Variants in DHRS12 observed in about 807,000 individuals in gnomAD.
DHRS12 encodes dehydrogenase/reductase 12, also known as dehydrogenase/reductase SDR family member 12.
In DHRS12, 29 loss-of-function variants were observed where a neutral mutation model predicts 32.1. The ratio of observed to expected loss-of-function variants is 0.90; its 90% confidence interval spans 0.67 to 1.23. The LOEUF (loss-of-function observed/expected upper bound fraction) is 1.23, where lower values mean the gene tolerates loss of function less well. Ranked by LOEUF, DHRS12 falls within the 50% of genes most tolerant of loss-of-function variation. The pLI, the probability that DHRS12 is intolerant of heterozygous loss-of-function variation, is 0.00. For synonymous variants in DHRS12, 150 were observed against 135.9 expected, an observed-to-expected ratio of 1.10 and a Z score of -0.72; for missense variants, 330 against 337.2, an observed-to-expected ratio of 0.98 and a Z score of 0.17.
At chr13:51,798,117 A>G (rs1480731106) in intron 2 of DHRS12, among the ~76,000 whole-genome samples, 1 of 152,174 alleles carries the variant, frequency 6.6e-6, no homozygotes, top group African/African-American at 2.4e-5. Flanking sequence ...TGCGTCTGGA[A>G]TAACATCCTG....
At chr13:51,762,084 A>T in the DHRS12 span, 1 of 152,236 alleles carries the variant, frequency 6.6e-6, no homozygotes, top group Non-Finnish European at 1.5e-5. Context: ...ACTAAGTTGT[A>T]TGTAATATAG....
intron 4 of DHRS12, among the ~76,000 whole-genome samples, chr13:51,784,466 A>G (rs1013932504): frequency 1.3e-5 from 2 of 152,190 alleles, no homozygotes; most frequent in African/African-American, 4.8e-5. Context: ...GGGTCCATAT[A>G]GGAAAATAAT....
chr13:51,786,110 G>A (rs1400420472), intron 4 of DHRS12, among the ~76,000 whole-genome samples: 1 of 152,210 alleles, frequency 6.6e-6, no homozygotes, highest in East Asian at 1.9e-4. Context: ...AGAATGTCAA[G>A]CGACAACACT....
At chr13:51,772,472 A>C (rs964368675) in intron 6 of DHRS12, among the ~76,000 whole-genome samples, 1 of 152,086 alleles carries the variant, frequency 6.6e-6, no homozygotes, top group Non-Finnish European at 1.5e-5. Context: ...AAAATGCAAA[A>C]ATTAGCTGGG....
rs555596582 is a variant in DHRS12, at chr13:51,782,067, G to A, written c.302-4946C>T. 6.6e-5 allele frequency among the ~76,000 whole-genome samples: 10 copies of A among 152,180 alleles called. No individual in the cohort carries two copies. The highest frequency in any genetic ancestry group is 2.4e-4 in the African/African-American group (10 of 41,538). ...ACTGCTTGGATATGAGAAGTGAGGG[G>A]GTGTCAAGGACAAGCGGTGACGGAG... On this transcript the variant is annotated intron_variant, in intron 4 of 8. Transcript: ENST00000444610. This position sits in a 1 kb window ranked among gnomAD's most constrained non-coding sequence, Gnocchi z 4.2.
chr13:51,768,808 G>A, intron 8 of DHRS12: 1 of 1,250,502 alleles, frequency 8.0e-7, no homozygotes, highest in Non-Finnish European at 1.0e-6. Context: ...CTGCAGAGAA[G>A]CAGAGTCCGT....
chr13:51,795,878 C>T (rs1007804041), intron 2 of DHRS12, among the ~76,000 whole-genome samples: 1 of 152,130 alleles, frequency 6.6e-6, no homozygotes, highest in Non-Finnish European at 1.5e-5. Context: ...ATTTGTCCCC[C>T]AACCCACCCC....
At chr13:51,801,455 T>C (rs918423782) in intron 1 of DHRS12, among the ~76,000 whole-genome samples, 2 of 152,214 alleles carry the variant, frequency 1.3e-5, no homozygotes, top group African/African-American at 4.8e-5. Context: ...CCCAAAATGC[T>C]GGGATTACAG....
At chr13:51,756,546 C>G in the DHRS12 span, 7 of 1,500,776 alleles carry the variant, frequency 4.7e-6, no homozygotes, top group Admixed American at 2.2e-5. Context: ...AACCATCACT[C>G]AGGTTGCTCT....
the DHRS12 span, chr13:51,760,348 G>A: frequency 6.6e-6 from 1 of 152,142 alleles, no homozygotes; most frequent in African/African-American, 2.4e-5. Flanking sequence ...GCCAGCTGCT[G>A]GAATTGCCTG....
intron 1 of DHRS12, among the ~76,000 whole-genome samples, chr13:51,800,547 C>A (rs1330852122): frequency 1.3e-5 from 2 of 152,180 alleles, no homozygotes; most frequent in Admixed American, 6.5e-5. Flanking sequence ...CCTACGGAGC[C>A]GAGAGATTTC....
In DHRS12 at chr13:51,789,998, T is replaced by G. The variant is rs188089140; in HGVS notation, c.301+13A>C. 1 of 1,587,668 alleles carries G rather than the reference T, an allele frequency of 6.3e-7. No homozygotes were observed. Among genetic ancestry groups the G allele is most frequent in the East Asian group, 2.3e-5 (1 of 44,078 alleles). The stretch of plus-strand genomic sequence containing the variant: ...TTTTGCTAAAAACAAATAAGAAAAC[T>G]TCTTGTACTTACCCAGAGTATTGGC... On this transcript the variant is annotated intron_variant, in intron 4 of 8. Transcript: ENST00000444610.
intron 1 of DHRS12, among the ~76,000 whole-genome samples, chr13:51,802,928 T>G (rs1412449367): frequency 6.6e-6 from 1 of 152,230 alleles, no homozygotes; most frequent in Non-Finnish European, 1.5e-5. Flanking sequence ...TCTGCTTTCC[T>G]TGGGGCCCAC....
intron 2 of DHRS12, among the ~76,000 whole-genome samples, chr13:51,793,672 A>G (rs1208218726): frequency 6.6e-6 from 1 of 152,202 alleles, no homozygotes; most frequent in Non-Finnish European, 1.5e-5. Flanking sequence ...ACCCAGCCAG[A>G]GCGAACAAGG....
chr13:51,792,981 A>C (rs1265768253), intron 2 of DHRS12, among the ~76,000 whole-genome samples: 1 of 151,424 alleles, frequency 6.6e-6, no homozygotes, highest in East Asian at 1.9e-4. Flanking sequence ...CAGGCACATC[A>C]TAAATAAGAT....
chr13:51,784,136 C>T (rs560108949), intron 4 of DHRS12, among the ~76,000 whole-genome samples: 1 of 152,282 alleles, frequency 6.6e-6, no homozygotes, highest in African/African-American at 2.4e-5. Flanking sequence ...GGACTACAAC[C>T]CTGCTCAGTG....
intron 4 of DHRS12, 189 bp downstream of exon 4, chr13:51,789,822 A>G: frequency 2.0e-6 from 2 of 985,390 alleles, no homozygotes; most frequent in Non-Finnish European, 2.4e-6. Context: ...ACCAACACCT[A>G]TTATAAGAAA....
At position 51,777,135 on chromosome 13, in the gene DHRS12, C is replaced by A; in HGVS notation, c.302-14G>T. ...GAATGTACACACCTGAGGCAGCACACAGCATCCCATGAGGGGGCTGCAGGA... is the reference window on the plus strand; with the variant it reads ...GAATGTACACACCTGAGGCAGCACAAAGCATCCCATGAGGGGGCTGCAGGA... On this transcript the variant is annotated splice_polypyrimidine_tract_variant and intron_variant, in intron 4 of 8. Transcript: ENST00000444610. 1 of 1,613,966 alleles carries A rather than the reference C, an allele frequency of 6.2e-7. No homozygotes were observed. The highest frequency in any genetic ancestry group is 8.5e-7 in the Non-Finnish European group (1 of 1,180,006).
intron 2 of DHRS12, among the ~76,000 whole-genome samples, chr13:51,796,901 T>C (rs2139383713): frequency 6.6e-6 from 1 of 152,338 alleles, no homozygotes; most frequent in Middle Eastern, 3.4e-3. Context: ...GAACAGACAC[T>C]TGGTGTGAAA....
Sources: allele counts gnomAD v4.1 joint callset (sites outside exome capture counted in the v4.1 genomes callset), GRCh38; gene constraint gnomAD v4.1.1; non-coding constraint Gnocchi (gnomAD v3.1); transcripts MANE v1.5; gene names NCBI Gene and HGNC (gene_info 2026-07-23, HGNC 2026-07-21).